The following TIE1 variants were observed in gnomAD, a reference collection of about 807,000 sequenced individuals.
TIE1 encodes the protein tyrosine-protein kinase receptor Tie-1.
Under a neutral mutation model 130.5 loss-of-function variants are expected in TIE1, and 89 were observed. That is an observed-to-expected ratio of 0.68 (90% CI 0.57 to 0.81). The LOEUF is 0.81. Among genes scored for constraint, TIE1 ranks in the 40% least tolerant of loss-of-function variants. The probability of loss-of-function intolerance (pLI) is 0.00; values close to 1 mark genes in which losing one functional copy is unlikely to be tolerated. For synonymous variants in TIE1, 568 were observed against 629.4 expected, an observed-to-expected ratio of 0.90 and a Z score of 1.46; for missense variants, 1,392 against 1,559.8, an observed-to-expected ratio of 0.89 and a Z score of 1.81.
At position 43,307,497 on chromosome 1, in the gene TIE1, G is replaced by C. The variant is rs768662860; in HGVS notation, c.838G>C (p.Gly280Arg). 6.2e-7 allele frequency: 1 copy of C among 1,614,030 alleles called. No homozygotes were observed. Among genetic ancestry groups the C allele is most frequent in the South Asian group, 1.1e-5 (1 of 91,092 alleles). The change falls in exon 6 of 23, where the codon GGC becomes CGC. Residue 280 changes from glycine to arginine, a missense_variant. Transcript: ENST00000372476. The surrounding 1 kb of genome is among the most constrained non-coding windows in gnomAD (Gnocchi z 5.4). ...EQCPGISGCRGLTFCLPDPYG... is the reference protein window; with the variant it reads ...EQCPGISGCRRLTFCLPDPYG... The stretch of plus-strand genomic sequence containing the variant: ...GTGCCCAGGCATATCAGGCTGCCGG[G>C]GCCTCACCTTCTGCCTCCCAGACCC...
In TIE1 at chr1:43,317,121, C is replaced by A; in HGVS notation, c.2410-78C>A. On this transcript the variant is annotated intron_variant, in intron 14 of 22. Coordinates refer to ENST00000372476, the MANE Select transcript of TIE1 (RefSeq NM_005424.5). This position sits in a 1 kb window ranked among gnomAD's most constrained non-coding sequence, Gnocchi z 5.1. ...CACTTGTCTGACACTGAAACCTCCT[C>A]GTGTGCCTGTCTGTGCCTCCTTCCG... 6.8e-7 allele frequency: 1 copy of A among 1,469,252 alleles called. No homozygotes were observed. The highest frequency in any genetic ancestry group is 9.5e-7 in the Non-Finnish European group (1 of 1,053,168). 91.0% of individuals were successfully genotyped at this position (1,469,252 alleles called of 1,614,324 possible). A position where few individuals can be genotyped will look rare whatever the true frequency, so the allele number is the denominator to read the frequency against.
rs377004712 is a variant in TIE1 at position 43,317,740 on chromosome 1, CAT to C, written c.2731+67_2731+68del. 1,866 of 1,483,340 alleles carry C rather than the reference CAT, an allele frequency of 1.3e-3. 27 individuals carry two copies. In the African/African-American group the frequency reaches 0.022, roughly 18 times the overall value. 91.9% of individuals were successfully genotyped at this position (1,483,340 alleles called of 1,614,324 possible). A position where few individuals can be genotyped will look rare whatever the true frequency, so the allele number is the denominator to read the frequency against. Reference sequence around the variant, plus strand: ...CCATCCTCAGCCATCACCTCCACCACATGAGTAGCTTGCCAGGGGCTGCTGGT... The same window carrying C: ...CCATCCTCAGCCATCACCTCCACCACGAGTAGCTTGCCAGGGGCTGCTGGT... On this transcript the variant is annotated intron_variant, in intron 16 of 22. Coordinates refer to ENST00000372476, the MANE Select transcript of TIE1 (RefSeq NM_005424.5). This position sits in a 1 kb window ranked among gnomAD's most constrained non-coding sequence, Gnocchi z 5.1.
chr1:43,309,349 C>A lies in TIE1; in HGVS notation c.1189-39C>A, dbSNP rs532619196. 2 of 1,548,370 alleles carry A rather than the reference C, an allele frequency of 1.3e-6. No individual in the cohort carries two copies. The highest frequency in any genetic ancestry group is 1.7e-6 in the Non-Finnish European group (2 of 1,150,700). ...CCTGGGTGCCTGCCACAGAGGTGCC[C>A]GTTCCCTGTGACCTGTCCCCTTCCC... On this transcript the variant is annotated intron_variant, in intron 8 of 22. Transcript: ENST00000372476. This position sits in a 1 kb window ranked among gnomAD's most constrained non-coding sequence, Gnocchi z 6.3.
In TIE1 at chr1:43,305,308, A is replaced by C; in HGVS notation, c.449A>C (p.Lys150Thr). Reference sequence around the variant, plus strand: ...GCTGTACTTTCTGCACGTGTGCACAAGGAGAAGCAGACAGACGTGATCTGG... The same window carrying C: ...GCTGTACTTTCTGCACGTGTGCACACGGAGAAGCAGACAGACGTGATCTGG... Reference protein sequence around the residue: ...DTAVLSARVHKEKQTDVIWKS... With the variant: ...DTAVLSARVHTEKQTDVIWKS... The change falls in exon 3 of 23, where the codon AAG becomes ACG. Residue 150 changes from lysine to threonine, a missense_variant. By Grantham distance (78) the Lys-to-Thr change is moderately conservative. This residue lies in a region of TIE1 where 415 missense variants were observed against 424.8 expected (regional missense o/e 0.98). Coordinates refer to ENST00000372476, the MANE Select transcript of TIE1 (RefSeq NM_005424.5). The C allele has an allele frequency of 1.3e-6, 2 of 1,596,716 alleles. No individual in the cohort carries two copies. The highest frequency in any genetic ancestry group is 1.7e-6 in the Non-Finnish European group (2 of 1,167,912).
chr1:43,311,621 G>A (rs1351623729), intron 9 of TIE1, 50 bp from the exon 10 acceptor site: 1 of 1,560,736 alleles, frequency 6.4e-7, no homozygotes, highest in South Asian at 1.2e-5. Flanking sequence ...AGATGCAGAA[G>A]TGGACTGGAT....
chr1:43,309,178 T>C lies in TIE1; in HGVS notation c.1188+47T>C. The C allele has an allele frequency of 6.4e-7, 1 of 1,552,534 alleles. No individual in the cohort carries two copies. The highest frequency in any genetic ancestry group is 8.7e-7 in the Non-Finnish European group (1 of 1,147,640). On this transcript the variant is annotated intron_variant, in intron 8 of 22. Transcript: ENST00000372476. The surrounding 1 kb of genome is among the most constrained non-coding windows in gnomAD (Gnocchi z 6.3). ...CCCACCAGCCCCTCAGGCCGCCTGC[T>C]TCACAGCTGATCCCTAAGACCCCCT...
rs147819257 is a variant in TIE1 at position 43,315,845 on chromosome 1, A to T, written c.2410-1354A>T. ...ACATGGTGTCATACTCTATATCAAGATATATCCCCCTAGCCTGGGCAACAT... is the reference window on the plus strand; with the variant it reads ...ACATGGTGTCATACTCTATATCAAGTTATATCCCCCTAGCCTGGGCAACAT... On this transcript the variant is annotated intron_variant, in intron 14 of 22. Transcript: ENST00000372476. The surrounding 1 kb of genome is among the most constrained non-coding windows in gnomAD (Gnocchi z 4.4). Among the ~76,000 whole-genome samples the T allele has an allele frequency of 1.1e-3, 160 of 152,094 alleles. No homozygotes were observed. In the East Asian group the frequency reaches 0.024, roughly 23 times the overall value.
Position 43,312,454 on chromosome 1 carries a change from C to T in TIE1, c.1780C>T (p.Arg594Trp), listed in dbSNP as rs75012994. The change falls in exon 12 of 23, where the codon CGG (arginine) becomes TGG (tryptophan). Residue 594 changes from arginine to tryptophan, a missense_variant. Transcript: ENST00000372476. This position sits in a 1 kb window ranked among gnomAD's most constrained non-coding sequence, Gnocchi z 5.6. ...GGACGGGACACGGGGGCAGGAGCGG[C>T]GGGAGAACGTCTCATCCCCCCAGGC... The part of the protein sequence containing the change: ...LWDGTRGQER[R>W]ENVSSPQART... 1.4e-5 allele frequency: 22 copies of T among 1,611,178 alleles called. No individual in the cohort carries two copies. The highest frequency in any genetic ancestry group is 2.7e-5 in the African/African-American group (2 of 75,018).
chr1:43,304,833 C>G lies in TIE1; in HGVS notation c.59-18C>G. On this transcript the variant is annotated intron_variant, in intron 1 of 22. Transcript: ENST00000372476. ...GTTGGCTGGGACTACAATAGAGTCA[C>G]TGGTGTCCTGGCCCCAGGCGCGGCG... 1 of 1,414,844 alleles carries G rather than the reference C, an allele frequency of 7.1e-7. No homozygotes were observed. 87.6% of individuals were successfully genotyped at this position (1,414,844 alleles called of 1,614,324 possible). A position where few individuals can be genotyped will look rare whatever the true frequency, so the allele number is the denominator to read the frequency against.
chr1:43,321,586 ACTC>A, intron 21 of TIE1, 27 bp from the exon 22 acceptor site: 1 of 1,554,338 alleles, frequency 6.4e-7, no homozygotes, highest in South Asian at 1.2e-5. Flanking sequence ...AGCTGGCCTG[ACTC>A]CTCATCTCAG....
chr1:43,309,370 T>C lies in TIE1; in HGVS notation c.1189-18T>C, dbSNP rs1398374048. The C allele has an allele frequency of 1.9e-6, 3 of 1,570,350 alleles. No individual in the cohort carries two copies. The highest frequency in any genetic ancestry group is 8.6e-7 in the Non-Finnish European group (1 of 1,160,940). Reference sequence around the variant, plus strand: ...TGCCCGTTCCCTGTGACCTGTCCCCTTCCCCCATCTCTTTTAGTCCACCAA... The same window carrying C: ...TGCCCGTTCCCTGTGACCTGTCCCCCTCCCCCATCTCTTTTAGTCCACCAA... On this transcript the variant is annotated intron_variant, in intron 8 of 22. Transcript: ENST00000372476. This position sits in a 1 kb window ranked among gnomAD's most constrained non-coding sequence, Gnocchi z 6.3.
rs1048593096 is a variant in TIE1, at chr1:43,317,866, T to C, written c.2732-16T>C. On this transcript the variant is annotated splice_polypyrimidine_tract_variant and intron_variant, in intron 16 of 22. Coordinates refer to ENST00000372476, the MANE Select transcript of TIE1 (RefSeq NM_005424.5). The surrounding 1 kb of genome is among the most constrained non-coding windows in gnomAD (Gnocchi z 5.1). The stretch of plus-strand genomic sequence containing the variant: ...CCTGTGTCTAAATCACCACTGTCTG[T>C]CTCTTTGCCTCTCAGGTTACTTGTA... 19 of 1,613,142 alleles carry C rather than the reference T, an allele frequency of 1.2e-5. No individual in the cohort carries two copies. The highest frequency in any genetic ancestry group is 1.4e-5 in the Non-Finnish European group (17 of 1,179,558).
intron 10 of TIE1, 75 bp downstream of exon 10, chr1:43,311,904 G>C: frequency 6.3e-7 from 1 of 1,575,300 alleles, no homozygotes; most frequent in South Asian, 1.2e-5. Context: ...AGGAGAGGGA[G>C]GGCAAATGGT....
At chr1:43,311,867 G>A (rs778732559) in intron 10 of TIE1, 38 bp downstream of exon 10, 2 of 1,599,190 alleles carry the variant, frequency 1.3e-6, no homozygotes, top group South Asian at 1.1e-5. Context: ...CAGAGGTGTT[G>A]GGTAATAGTG....
At position 43,311,022 on chromosome 1, in the gene TIE1, C is replaced by T. The variant is rs7550449; in HGVS notation, c.1334-649C>T. ...AAAGTTGAGGCCAGAATAGGAGCAG[C>T]GATCATGGGGTGAGGAAGTGGGGCA... On this transcript the variant is annotated intron_variant, in intron 9 of 22. Transcript: ENST00000372476. Among the ~76,000 whole-genome samples, 1,042 of 152,112 alleles carry T rather than the reference C, an allele frequency of 6.9e-3. 10 individuals carry two copies. The highest frequency in any genetic ancestry group is 0.024 in the African/African-American group (988 of 41,468).
At chr1:43,302,858 G>C (rs996278378) in intron 1 of TIE1, among the ~76,000 whole-genome samples, 3 of 152,084 alleles carry the variant, frequency 2.0e-5, no homozygotes, top group Non-Finnish European at 4.4e-5. Flanking sequence ...GGCAGGCTGG[G>C]GGGGTGGGGA....
chr1:43,321,541 G>T, intron 21 of TIE1, 49 bp downstream of exon 21: 1 of 1,571,096 alleles, frequency 6.4e-7, no homozygotes, highest in South Asian at 1.2e-5. Context: ...TGTGATGAGT[G>T]ACCTCAGCTT....
chr1:43,304,296 C>T (rs1023860415), intron 1 of TIE1, among the ~76,000 whole-genome samples: 11 of 152,218 alleles, frequency 7.2e-5, no homozygotes, highest in Non-Finnish European at 1.5e-4. Context: ...CACCTCAAAT[C>T]CCAGCCCACC....
At chr1:43,320,088 G>T in intron 19 of TIE1, 1 of 163,456 alleles carries the variant, frequency 6.1e-6, no homozygotes, top group Admixed American at 5.7e-5. Flanking sequence ...ACCACTACAT[G>T]CCTACTTCGT....
Sources: allele counts gnomAD v4.1 joint callset (sites outside exome capture counted in the v4.1 genomes callset), GRCh38; gene constraint gnomAD v4.1.1; regional missense constraint gnomAD v4.1.1; non-coding constraint Gnocchi (gnomAD v3.1); transcripts MANE v1.5; gene names NCBI Gene and HGNC (gene_info 2026-07-23, HGNC 2026-07-21).